The following HYCC2 variants were observed in gnomAD, a reference collection of about 807,000 sequenced individuals.
HYCC2 encodes hyccin PI4KA lipid kinase complex subunit 2.
At chr2:201,013,206 C>T in the HYCC2 span, among the ~76,000 whole-genome samples, 9 of 152,030 alleles carry the variant, frequency 5.9e-5, no homozygotes, top group African/African-American at 1.9e-4. Flanking sequence ...CAGTGGCTCA[C>T]GCCTGTAATC....
At chr2:201,049,892 G>A in the HYCC2 span, among the ~76,000 whole-genome samples, 6 of 151,694 alleles carry the variant, frequency 4.0e-5, no homozygotes, top group Admixed American at 6.6e-5. Context: ...TAGAGATAGC[G>A]TCTCACCATA....
chr2:201,042,756 C>A, the HYCC2 span, among the ~76,000 whole-genome samples: 11 of 150,320 alleles, frequency 7.3e-5, no homozygotes, highest in African/African-American at 2.7e-4. Flanking sequence ...GCAGCCCCCG[C>A]CCGCCGCCCC....
At chr2:201,061,934 C>T in the HYCC2 span, among the ~76,000 whole-genome samples, 2 of 151,542 alleles carry the variant, frequency 1.3e-5, no homozygotes, top group African/African-American at 4.9e-5. Flanking sequence ...AGCAAGACTT[C>T]GTCTCTATAA....
the HYCC2 span, among the ~76,000 whole-genome samples, chr2:201,034,313 A>G: frequency 6.6e-6 from 1 of 152,234 alleles, no homozygotes; most frequent in African/African-American, 2.4e-5. Context: ...ATATATATTT[A>G]GGATAGTTAG....
chr2:200,977,027 C>T, the HYCC2 span: 1 of 152,128 alleles, frequency 6.6e-6, no homozygotes, highest in Non-Finnish European at 1.5e-5. Context: ...TAAATCCCAA[C>T]AAATGTATTC....
the HYCC2 span, chr2:200,981,980 A>G: frequency 1.7e-6 from 2 of 1,201,434 alleles, no homozygotes; most frequent in Non-Finnish European, 2.3e-6. The surrounding 1 kb of genome is among the most constrained non-coding windows in gnomAD (Gnocchi z 4.5). Context: ...TAGGTTGTCA[A>G]TGGCCCTACT....
the HYCC2 span, among the ~76,000 whole-genome samples, chr2:201,047,443 C>A: frequency 9.0e-6 from 1 of 111,672 alleles, no homozygotes; most frequent in African/African-American, 5.6e-5. Flanking sequence ...TGTCACAGTT[C>A]TCATATATAT....
At chr2:201,006,255 A>G in the HYCC2 span, among the ~76,000 whole-genome samples, 1 of 150,328 alleles carries the variant, frequency 6.7e-6, no homozygotes, top group African/African-American at 2.5e-5. Flanking sequence ...CAGCCTCTCA[A>G]GTAGCTGGGA....
chr2:201,038,913 T>A, the HYCC2 span, among the ~76,000 whole-genome samples: 7,877 of 151,596 alleles, frequency 0.052, 470 homozygotes, highest in African/African-American at 0.14. Flanking sequence ...AGAAAAAGAC[T>A]TGCAAATTGT....
At chr2:200,991,195 C>T in the HYCC2 span, among the ~76,000 whole-genome samples, 3 of 152,144 alleles carry the variant, frequency 2.0e-5, no homozygotes, top group Admixed American at 1.3e-4. Flanking sequence ...GGAGGCCAGG[C>T]GTGGTAGCTC....
the HYCC2 span, among the ~76,000 whole-genome samples, chr2:201,035,444 C>T: frequency 1.3e-5 from 2 of 152,200 alleles, no homozygotes; most frequent in Non-Finnish European, 2.9e-5. Flanking sequence ...CCGTGGTTTT[C>T]AGCTCCATCA....
the HYCC2 span, among the ~76,000 whole-genome samples, chr2:201,034,928 C>T: frequency 1.3e-5 from 2 of 152,124 alleles, no homozygotes; most frequent in Non-Finnish European, 2.9e-5. Context: ...TGAATATTGG[C>T]CCCCACTCTC....
the HYCC2 span, among the ~76,000 whole-genome samples, chr2:201,010,719 T>A: frequency 6.6e-6 from 1 of 152,072 alleles, no homozygotes; most frequent in African/African-American, 2.4e-5. Context: ...CAATCTAAGG[T>A]GATTTCTAAG....
chr2:201,017,804 A>C, the HYCC2 span, among the ~76,000 whole-genome samples: 4 of 152,212 alleles, frequency 2.6e-5, no homozygotes, highest in East Asian at 7.7e-4. Context: ...AAATGTATGC[A>C]TTTGTAAGTG....
the HYCC2 span, among the ~76,000 whole-genome samples, chr2:201,070,873 C>T: frequency 3.9e-5 from 6 of 152,032 alleles, no homozygotes; most frequent in African/African-American, 1.5e-4. Context: ...CAAATAAATT[C>T]ACGAACTACA....
At chr2:201,000,741 G>GT in the HYCC2 span, among the ~76,000 whole-genome samples, 1 of 152,126 alleles carries the variant, frequency 6.6e-6, no homozygotes, top group African/African-American at 2.4e-5. Context: ...ACTGAAAAAT[G>GT]TATGTTCACA....
At chr2:200,998,952 T>C in the HYCC2 span, among the ~76,000 whole-genome samples, 2 of 152,202 alleles carry the variant, frequency 1.3e-5, no homozygotes, top group Non-Finnish European at 2.9e-5. Context: ...TCTCCATATA[T>C]CTAGGTAAAA....
At chr2:201,000,466 T>C in the HYCC2 span, among the ~76,000 whole-genome samples, 2 of 152,154 alleles carry the variant, frequency 1.3e-5, no homozygotes, top group South Asian at 2.1e-4. Context: ...CCTGATAAAG[T>C]TGGCTACATA....
chr2:201,059,326 A>G, the HYCC2 span, among the ~76,000 whole-genome samples: 1 of 152,202 alleles, frequency 6.6e-6, no homozygotes, highest in African/African-American at 2.4e-5. Context: ...AGAATGACCT[A>G]AGGATATATG....
Sources: gnomAD v4.1 joint callset for allele counts (sites outside exome capture counted in the v4.1 genomes callset) on GRCh38, gnomAD v4.1.1 for gene constraint, Gnocchi (gnomAD v3.1) non-coding constraint, MANE v1.5 for transcripts, NCBI Gene and HGNC (gene_info 2026-07-23, HGNC 2026-07-21) for gene names.